Variants in CADPS2 observed in about 807,000 individuals in gnomAD.
The protein encoded by CADPS2 is calcium-dependent secretion activator 2.
In CADPS2, 93 loss-of-function variants were observed where a neutral mutation model predicts 172.5. The observed-to-expected ratio is 0.54, with a 90% confidence interval of 0.46 to 0.64. CADPS2 has a LOEUF of 0.64. CADPS2 is among the 30% of genes least tolerant of loss of function. The pLI, the probability that CADPS2 is intolerant of heterozygous loss-of-function variation, is 0.00. For missense variants in CADPS2, 1,420 were observed against 1,565.9 expected (o/e 0.91, Z 1.57); for synonymous variants, 546 against 555.2 (o/e 0.98, Z 0.23).
At chr7:122,477,042 G>GAAAA (rs1463578031) in intron 12 of CADPS2, among the ~76,000 whole-genome samples, 1 of 23,386 alleles carries the variant, frequency 4.3e-5, no homozygotes, top group African/African-American at 1.9e-4. Context: ...GGAGAGGAGA[G>GAAAA]GAGAGAGAGA....
At chr7:122,592,961 C>T (rs556104178) in intron 6 of CADPS2, among the ~76,000 whole-genome samples, 9 of 150,926 alleles carry the variant, frequency 6.0e-5, no homozygotes, top group South Asian at 2.1e-4. Flanking sequence ...ACGTTGTACA[C>T]GTGTACCCTA....
chr7:122,598,828 G>A (rs1256416217), intron 6 of CADPS2, among the ~76,000 whole-genome samples: 1 of 152,114 alleles, frequency 6.6e-6, no homozygotes, highest in Non-Finnish European at 1.5e-5. Context: ...AGGATACGAT[G>A]TTGAATAAGA....
chr7:122,886,396 C>T lies in CADPS2; in HGVS notation c.-59G>A. 6.9e-7 allele frequency: 1 copy of T among 1,458,984 alleles called. No homozygotes were observed. The highest frequency in any genetic ancestry group is 9.0e-7 in the Non-Finnish European group (1 of 1,116,854). 90.4% of individuals were successfully genotyped at this position (1,458,984 alleles called of 1,614,324 possible). A position where few individuals can be genotyped will look rare whatever the true frequency, so the allele number is the denominator to read the frequency against. On this transcript the variant is annotated 5_prime_UTR_variant, in exon 1 of 30. Transcript: ENST00000449022. ...TCCCCAAGCGCCTCACCCCCGGCGG[C>T]TGCGCCCGCGGGTCTGAGGGAGCCG...
intron 6 of CADPS2, among the ~76,000 whole-genome samples, chr7:122,614,033 A>T (rs1347542775): frequency 2.0e-5 from 3 of 152,048 alleles, no homozygotes; most frequent in Non-Finnish European, 4.4e-5. Context: ...CTCAATGCCA[A>T]GAAAGCAGCT....
chr7:122,528,374 G>T (rs1296077203), intron 8 of CADPS2, among the ~76,000 whole-genome samples: 1 of 152,066 alleles, frequency 6.6e-6, no homozygotes, highest in South Asian at 2.1e-4. Flanking sequence ...TTAGATAAAA[G>T]CAATGTTTCT....
intron 1 of CADPS2, among the ~76,000 whole-genome samples, chr7:122,797,112 A>G (rs1009962560): frequency 3.3e-5 from 5 of 152,214 alleles, no homozygotes; most frequent in African/African-American, 1.2e-4. Flanking sequence ...AAAGCTCAAC[A>G]TCACCTATCA....
At chr7:122,362,498 TA>T (rs554989401) in intron 25 of CADPS2, among the ~76,000 whole-genome samples, 8 of 152,086 alleles carry the variant, frequency 5.3e-5, no homozygotes, top group Non-Finnish European at 7.4e-5. Context: ...TTCTATGAAA[TA>T]AAAAAACACA....
chr7:122,870,496 T>C (rs1207629757), intron 1 of CADPS2, among the ~76,000 whole-genome samples: 3 of 151,950 alleles, frequency 2.0e-5, no homozygotes, highest in Non-Finnish European at 4.4e-5. Context: ...AGGAGAGATG[T>C]TGATCAAAGG....
In CADPS2 at chr7:122,386,393, A is replaced by C. The variant is rs986524654; in HGVS notation, c.3312+633T>G. ...AAAGAAATGAAGAAAAAGTAATTAC[A>C]ATGGGAAAAAAAGGCAACAAAATCA... is the stretch of plus-strand genomic sequence containing the variant. On this transcript the variant is annotated intron_variant, in intron 24 of 29. Coordinates refer to ENST00000449022, the MANE Select transcript of CADPS2 (RefSeq NM_017954.11). The C allele has an allele frequency of 1.0e-5, 9 of 862,260 alleles. No homozygotes were observed. The African/African-American group carries it at 1.6e-4, about 15-fold the overall frequency. The allele number at this position is 862,260 out of a possible 1,614,324, so 53.4% of individuals were successfully genotyped here. A position where few individuals can be genotyped will look rare whatever the true frequency, so the allele number is the denominator to read the frequency against.
intron 2 of CADPS2, among the ~76,000 whole-genome samples, chr7:122,707,024 G>A (rs2136523242): frequency 6.6e-6 from 1 of 151,888 alleles, no homozygotes; most frequent in South Asian, 2.1e-4. Flanking sequence ...CATGGCCAGA[G>A]GAAGGGTGAA....
intron 1 of CADPS2, among the ~76,000 whole-genome samples, chr7:122,815,859 G>C (rs1051894487): frequency 3.9e-5 from 6 of 152,040 alleles, no homozygotes; most frequent in African/African-American, 7.2e-5. Context: ...CTGCTTTCTC[G>C]AAGGTTAATT....
chr7:122,427,489 A>G (rs1414855470), intron 17 of CADPS2: 1 of 152,194 alleles, frequency 6.6e-6, no homozygotes, highest in East Asian at 1.9e-4. Context: ...TAGATCTATA[A>G]TCTCTCTGGA....
intron 1 of CADPS2, among the ~76,000 whole-genome samples, chr7:122,774,405 GAAC>G (rs2093811009): frequency 1.3e-5 from 2 of 151,330 alleles, no homozygotes; most frequent in Admixed American, 6.6e-5. Context: ...TCTATAAATG[GAAC>G]AACGTGTTAA....
chr7:122,785,814 C>G (rs1793897305), intron 1 of CADPS2, among the ~76,000 whole-genome samples: 1 of 152,146 alleles, frequency 6.6e-6, no homozygotes, highest in Non-Finnish European at 1.5e-5. Flanking sequence ...CACTAGGGCT[C>G]AGACCATTTA....
chr7:122,413,328 T>A (rs1376748214), intron 19 of CADPS2, among the ~76,000 whole-genome samples: 1 of 152,140 alleles, frequency 6.6e-6, no homozygotes, highest in African/African-American at 2.4e-5. Flanking sequence ...ACTTAAACTA[T>A]CTTTCTAAGG....
intron 1 of CADPS2, among the ~76,000 whole-genome samples, chr7:122,791,200 TCA>T (rs946120207): frequency 6.6e-6 from 1 of 152,124 alleles, no homozygotes; most frequent in Non-Finnish European, 1.5e-5. Flanking sequence ...CATTTAGACA[TCA>T]CAGTCTTATA....
At chr7:122,467,058 GATAAA>G (rs1450202946) in intron 14 of CADPS2, among the ~76,000 whole-genome samples, 1 of 152,028 alleles carries the variant, frequency 6.6e-6, no homozygotes, top group African/African-American at 2.4e-5. Flanking sequence ...TACAGTTTTT[GATAAA>G]ATAAAAAAAC....
rs75643376 is a variant in CADPS2, at chr7:122,319,877, A to G, written c.*288T>C. ...AAATCTTCTTTAAAAAAAAAAGTTC[A>G]TGTTCTGATCACAAGCAGAGCCAAG... On this transcript the variant is annotated 3_prime_UTR_variant, in exon 30 of 30. Transcript: ENST00000449022. 9.1e-3 allele frequency: 2,644 copies of G among 290,730 alleles called. 62 individuals carry two copies. Among genetic ancestry groups the G allele is most frequent in the African/African-American group, 0.051 (2,345 of 45,974 alleles). 18.0% of individuals were successfully genotyped at this position (290,730 alleles called of 1,614,324 possible).
intron 25 of CADPS2, among the ~76,000 whole-genome samples, chr7:122,375,213 A>G (rs1055622513): frequency 1.3e-5 from 2 of 151,820 alleles, no homozygotes; most frequent in African/African-American, 4.8e-5. Flanking sequence ...CCTAAAATTC[A>G]TCTGGAACCA....
Sources: gnomAD v4.1 joint callset for allele counts (sites outside exome capture counted in the v4.1 genomes callset) on GRCh38, gnomAD v4.1.1 for gene constraint, MANE v1.5 for transcripts, NCBI Gene and HGNC (gene_info 2026-07-23, HGNC 2026-07-21) for gene names.